RFPL2: variants seen among roughly 807,000 people sequenced by gnomAD.
The protein encoded by RFPL2 is ret finger protein like 2.
RFPL2 carries 13 observed loss-of-function variants against 17.8 expected under a neutral mutation model. The ratio of observed to expected loss-of-function variants is 0.73; its 90% CI spans 0.47 to 1.16. The LOEUF (loss-of-function observed/expected upper bound fraction) is 1.16, where lower values mean the gene tolerates loss of function less well. RFPL2 is among the 50% of genes most tolerant of loss of function. The pLI, the probability that RFPL2 is intolerant of heterozygous loss-of-function variation, is 0.00. For missense variants in RFPL2, 431 were observed against 479.3 expected (o/e 0.90, Z 0.94); for synonymous variants, 189 against 180.9 (o/e 1.04, Z -0.36).
chr22:32,194,447 C>T lies in RFPL2; in HGVS notation c.163G>A (p.Gly55Ser). ...EGVEGRDPVG[G>S]GNLTNKRPSC... ...GGCCTTTTATTGGTGAGATTCCCAC[C>T]TCCCACTGGGTCACGCCCTTCCACA... Residue 55 changes from glycine (G) to serine (S), a missense_variant, in exon 3 of 5, where the codon GGT becomes AGT. Transcript: ENST00000652607. The T allele has an allele frequency of 3.7e-6, 6 of 1,611,596 alleles. No homozygotes were observed. The highest frequency in any genetic ancestry group is 5.1e-6 in the Non-Finnish European group (6 of 1,179,262).
In RFPL2 at chr22:32,193,055, C is replaced by G. The variant is rs777943284; in HGVS notation, c.403G>C (p.Glu135Gln). 1 of 1,613,886 alleles carries G rather than the reference C, an allele frequency of 6.2e-7. No homozygotes were observed. Among genetic ancestry groups the G allele is most frequent in the African/African-American group, 1.3e-5 (1 of 74,900 alleles). ...GAAGAGCAACAGCAAAGTAGATCCTCCCCATGGGGCTCCTTCTGCAGTGAA... is the reference window on the plus strand; with the variant it reads ...GAAGAGCAACAGCAAAGTAGATCCTGCCCATGGGGCTCCTTCTGCAGTGAA... ...INSLQKEPHG[E>Q]DLLCCCSSMV... Residue 135 changes from glutamate (E) to glutamine (Q), a missense_variant, in exon 4 of 5, where the codon GAG becomes CAG. Physicochemically the swap from Glu to Gln is conservative, Grantham distance 29 (BLOSUM62 2). Transcript: ENST00000652607.
chr22:32,204,596 AC>A (rs147103676), intron 1 of RFPL2, among the ~76,000 whole-genome samples, 110 bp downstream of exon 1: 3,074 of 152,252 alleles, frequency 0.02, 86 homozygotes, highest in African/African-American at 0.063. Context: ...CCACCTTTCT[AC>A]ATTCTGGCTG....
intron 3 of RFPL2, chr22:32,193,394 G>A (rs974730746): frequency 2.2e-5 from 34 of 1,539,214 alleles, no homozygotes; most frequent in South Asian, 1.0e-4. Flanking sequence ...GGAAAGTCAC[G>A]AATCATCACT....
chr22:32,193,983 G>A (rs1443227625), intron 3 of RFPL2, among the ~76,000 whole-genome samples: 1 of 151,806 alleles, frequency 6.6e-6, no homozygotes, highest in African/African-American at 2.4e-5. Flanking sequence ...GACCAGTCTG[G>A]GCAACACAGG....
At chr22:32,193,684 A>G (rs771843096) in intron 3 of RFPL2, among the ~76,000 whole-genome samples, 3 of 152,156 alleles carry the variant, frequency 2.0e-5, no homozygotes, top group Non-Finnish European at 2.9e-5. Context: ...AACATGGGGA[A>G]ACCCCATCTC....
intron 3 of RFPL2, 23 bp downstream of exon 3, chr22:32,194,320 AAC>A (rs771567242): frequency 8.9e-5 from 142 of 1,591,102 alleles, no homozygotes; most frequent in Non-Finnish European, 1.1e-4. Context: ...TAAGAGGAAA[AAC>A]ACACACACAG....
intron 2 of RFPL2, among the ~76,000 whole-genome samples, chr22:32,201,780 C>G (rs542149006): frequency 6.6e-6 from 1 of 152,110 alleles, no homozygotes; most frequent in African/African-American, 2.4e-5. Context: ...ATTGTCCCTG[C>G]TCTGTAGGGA....
intron 1 of RFPL2, chr22:32,203,000 T>G (rs2123822187): frequency 2.0e-6 from 2 of 985,764 alleles, no homozygotes; most frequent in Non-Finnish European, 1.2e-6. Context: ...GGAAATGCTG[T>G]GCGCCCGCCG....
intron 1 of RFPL2, among the ~76,000 whole-genome samples, 172 bp downstream of exon 1, chr22:32,204,535 C>T (rs1259843536): frequency 1.3e-5 from 2 of 152,260 alleles, no homozygotes; most frequent in Admixed American, 6.5e-5. Context: ...ACCTGTCCCC[C>T]TCCCCGCCCC....
intron 2 of RFPL2, among the ~76,000 whole-genome samples, chr22:32,197,480 C>T (rs1022586512): frequency 7.3e-5 from 11 of 151,628 alleles, no homozygotes; most frequent in Non-Finnish European, 7.4e-5. Flanking sequence ...TTGTTACATA[C>T]GTATACATGT....
chr22:32,202,658 C>A (rs1438116759), intron 1 of RFPL2, 108 bp from the exon 2 acceptor site: 1 of 1,386,454 alleles, frequency 7.2e-7, no homozygotes, highest in Non-Finnish European at 9.3e-7. Context: ...CTTCAAAGTC[C>A]AGCCTCTCCT....
At chr22:32,192,189 A>C (rs1294276950) in intron 4 of RFPL2, among the ~76,000 whole-genome samples, 1 of 152,178 alleles carries the variant, frequency 6.6e-6, no homozygotes, top group Non-Finnish European at 1.5e-5. Context: ...TCAGGGCAGA[A>C]GCTACCAGTG....
chr22:32,193,652 A>G (rs748012025), intron 3 of RFPL2, among the ~76,000 whole-genome samples: 14 of 152,154 alleles, frequency 9.2e-5, no homozygotes, highest in Non-Finnish European at 1.9e-4. Context: ...GAGGTCGTCA[A>G]AAGTTCGAGA....
intron 2 of RFPL2, among the ~76,000 whole-genome samples, chr22:32,194,845 G>A (rs1413147998): frequency 6.6e-6 from 1 of 152,114 alleles, no homozygotes; most frequent in Non-Finnish European, 1.5e-5. Flanking sequence ...GAAATTCTAG[G>A]TACTTTTTAT....
At chr22:32,204,547 T>A (rs1297012730) in intron 1 of RFPL2, among the ~76,000 whole-genome samples, 160 bp downstream of exon 1, 1 of 152,084 alleles carries the variant, frequency 6.6e-6, no homozygotes, top group African/African-American at 2.4e-5. Context: ...CCCCGCCCCC[T>A]GCCGCAGGCA....
chr22:32,198,118 T>C (rs527269626), intron 2 of RFPL2, among the ~76,000 whole-genome samples: 51 of 152,254 alleles, frequency 3.3e-4, no homozygotes, highest in East Asian at 1.2e-3. Flanking sequence ...CTCTGGGGCA[T>C]TGGGGACACC....
chr22:32,195,955 G>A (rs560376917), intron 2 of RFPL2, among the ~76,000 whole-genome samples: 5 of 151,336 alleles, frequency 3.3e-5, no homozygotes, highest in African/African-American at 1.2e-4. Flanking sequence ...CTCCACCAAA[G>A]CCCATTTCTC....
At position 32,190,791 on chromosome 22, in the gene RFPL2, C is replaced by A; in HGVS notation, c.1118G>T (p.Arg373Leu). 1 of 1,528,806 alleles carries A rather than the reference C, an allele frequency of 6.5e-7. No individual in the cohort carries two copies. Among genetic ancestry groups the A allele is most frequent in the Non-Finnish European group, 8.8e-7 (1 of 1,138,410 alleles). The allele number at this position is 1,528,806 out of a possible 1,614,324, so 94.7% of individuals were successfully genotyped here. ...MNSGTTDAPVRPGEAK is the reference protein window; with the variant it reads ...MNSGTTDAPVLPGEAK ...GAGGGCTTATTTGGCCTCCCCAGGACGGACTGGAGCATCAGTAGTGCCTGA... is the reference window on the plus strand; with the variant it reads ...GAGGGCTTATTTGGCCTCCCCAGGAAGGACTGGAGCATCAGTAGTGCCTGA... The change falls in exon 5 of 5, where the codon CGT (arginine) becomes CTT (leucine). Residue 373 changes from arginine (R) to leucine (L), a missense_variant. Arg to Leu is a moderately radical substitution (Grantham distance 102). Coordinates refer to ENST00000652607, the MANE Select transcript of RFPL2 (RefSeq NM_001394555.1).
Position 32,194,440 on chromosome 22 carries a change from T to A in RFPL2, c.170A>T (p.Asn57Ile). 6.2e-7 allele frequency: 1 copy of A among 1,611,694 alleles called. No individual in the cohort carries two copies. Among genetic ancestry groups the A allele is most frequent in the Non-Finnish European group, 8.5e-7 (1 of 1,179,312 alleles). ...ACACGAGGGCCTTTTATTGGTGAGA[T>A]TCCCACCTCCCACTGGGTCACGCCC... ...VEGRDPVGGGNLTNKRPSCAP... is the reference protein window; with the variant it reads ...VEGRDPVGGGILTNKRPSCAP... Residue 57 changes from asparagine (N) to isoleucine (I), a missense_variant, in exon 3 of 5, where the codon AAT (asparagine) becomes ATT (isoleucine). Physicochemically the swap from Asn to Ile is moderately radical, Grantham distance 149. Coordinates refer to ENST00000652607, the MANE Select transcript of RFPL2 (RefSeq NM_001394555.1).
Sources: allele counts gnomAD v4.1 joint callset (sites outside exome capture counted in the v4.1 genomes callset), GRCh38; gene constraint gnomAD v4.1.1; transcripts MANE v1.5; gene names NCBI Gene and HGNC (gene_info 2026-07-23, HGNC 2026-07-21).